AP3B2: variants seen among roughly 807,000 people sequenced by gnomAD.
AP3B2 encodes the protein AP-3 complex subunit beta-2.
Under a neutral mutation model 126.9 loss-of-function variants are expected in AP3B2, and 50 were observed. That is an observed-to-expected ratio of 0.39 (90% confidence interval 0.31 to 0.50). AP3B2 has a LOEUF of 0.50. AP3B2 is among the 20% of genes least tolerant of loss of function. The pLI is 0.79. For missense variants in AP3B2, 1,177 were observed against 1,426.4 expected, an observed-to-expected ratio of 0.83 and a Z score of 2.82; for synonymous variants, 541 against 565.0, an observed-to-expected ratio of 0.96 and a Z score of 0.60.
rs550820984 is a variant in AP3B2 at position 82,709,843 on chromosome 15, T to C, written c.-137A>G. 3.4e-6 allele frequency: 2 copies of C among 584,706 alleles called. No homozygotes were observed. The highest frequency in any genetic ancestry group is 2.0e-5 in the African/African-American group (1 of 50,868). 36.2% of individuals were successfully genotyped at this position (584,706 alleles called of 1,614,324 possible). ...GGCAGGGGTTCAGCAGAGGCTGCAG[T>C]GTGCAGCGGCGGAGGCTGCGCGCGG... On this transcript the variant is annotated 5_prime_UTR_variant, in exon 1 of 27. Transcript: ENST00000535359.
chr15:82,686,040 A>C (rs2048421125), intron 4 of AP3B2: 1 of 152,248 alleles, frequency 6.6e-6, no homozygotes, highest in Non-Finnish European at 1.5e-5. Context: ...CAACCTGGAA[A>C]CATGCTATGC....
In AP3B2 at chr15:82,680,064, G is replaced by A. The variant is rs1289197658; in HGVS notation, c.1110+111C>T. ...CTGCCCCATCCTCTGCACAGCCAGG[G>A]TATTCCTCCATCTTCCCTTTCCCCG... is the stretch of plus-strand genomic sequence containing the variant. On this transcript the variant is annotated intron_variant, in intron 9 of 26. Transcript: ENST00000535359. The surrounding 1 kb of genome is among the most constrained non-coding windows in gnomAD (Gnocchi z 6.1). The A allele has an allele frequency of 6.9e-7, 1 of 1,442,566 alleles. No individual in the cohort carries two copies. The highest frequency in any genetic ancestry group is 9.5e-7 in the Non-Finnish European group (1 of 1,055,596). The allele number at this position is 1,442,566 out of a possible 1,614,324, so 89.4% of individuals were successfully genotyped here.
chr15:82,663,445 TCTGCTCCC>T, intron 21 of AP3B2, 107 bp downstream of exon 21: 1 of 1,247,954 alleles, frequency 8.0e-7, no homozygotes, highest in Non-Finnish European at 1.2e-6. Context: ...ATATGTTCTG[TCTGCTCCC>T]CTGCTCCCAC....
Position 82,677,408 on chromosome 15 carries a change from G to A in AP3B2, c.1379-25C>T, listed in dbSNP as rs138498580. 8.8e-4 allele frequency: 1,412 copies of A among 1,599,522 alleles called. 4 individuals are homozygous for A. Among genetic ancestry groups the A allele is most frequent in the Middle Eastern group, 4.0e-3 (24 of 6,038 alleles). On this transcript the variant is annotated intron_variant, in intron 12 of 26. Transcript: ENST00000535359. ...TCTACAGAACAAAAATGAGTGTGTGGACCCCAAGACAGTCAGATGGCCACA... is the reference window on the plus strand; with the variant it reads ...TCTACAGAACAAAAATGAGTGTGTGAACCCCAAGACAGTCAGATGGCCACA...
At position 82,665,469 on chromosome 15, in the gene AP3B2, C is replaced by G; in HGVS notation, c.1959G>C (p.Val653=). ...DWPEEAPDPS[V]RNVEEEDLSL... is the part of the protein sequence containing the mutation. ...CCACCCCGCTGACCTCCACGTTGCG[C>G]ACAGATGGGTCTGGGGCTTCCTCCG... Residue 653 remains valine (V), a synonymous_variant, in exon 16 of 27, where the codon GTG becomes GTC. Transcript: ENST00000535359. This position sits in a 1 kb window ranked among gnomAD's most constrained non-coding sequence, Gnocchi z 4.4. 1 of 1,613,382 alleles carries G rather than the reference C, an allele frequency of 6.2e-7. No individual in the cohort carries two copies. The highest frequency in any genetic ancestry group is 8.5e-7 in the Non-Finnish European group (1 of 1,179,684).
chr15:82,706,259 C>T (rs2048794179), intron 1 of AP3B2, among the ~76,000 whole-genome samples: 1 of 152,196 alleles, frequency 6.6e-6, no homozygotes, highest in African/African-American at 2.4e-5. Context: ...CACTACCTCT[C>T]AGAAAGCTTA....
At chr15:82,670,582 A>T (rs907860151) in intron 14 of AP3B2, among the ~76,000 whole-genome samples, 2 of 152,246 alleles carry the variant, frequency 1.3e-5, no homozygotes, top group Non-Finnish European at 2.9e-5. Flanking sequence ...TAAATCTAAC[A>T]CTTCAAACTA....
At chr15:82,708,300 C>T (rs558894318) in intron 1 of AP3B2, among the ~76,000 whole-genome samples, 2 of 152,058 alleles carry the variant, frequency 1.3e-5, no homozygotes, top group East Asian at 1.9e-4. Context: ...CATTTCCCTT[C>T]GCTGACTCTT....
chr15:82,707,310 C>T (rs192209317), intron 1 of AP3B2, among the ~76,000 whole-genome samples: 1 of 152,194 alleles, frequency 6.6e-6, no homozygotes, highest in Admixed American at 6.5e-5. Flanking sequence ...TTACCACTTG[C>T]CCTTCTCAGA....
intron 4 of AP3B2, chr15:82,686,950 T>A (rs1386016028): frequency 6.6e-6 from 1 of 152,208 alleles, no homozygotes. Context: ...CTTGAACTCC[T>A]GACCTTGTGA....
rs769129425 is a variant in AP3B2 at position 82,659,725 on chromosome 15, G to T, written c.3156-15C>A. On this transcript the variant is annotated splice_polypyrimidine_tract_variant and intron_variant, in intron 26 of 26. Transcript: ENST00000535359. ...TCCCTGCAAACCTGAGGTGGGAATAGAAGGGGTGAGGAAGAGCTGCTAAGG... is the reference window on the plus strand; with the variant it reads ...TCCCTGCAAACCTGAGGTGGGAATATAAGGGGTGAGGAAGAGCTGCTAAGG... 2 of 1,613,644 alleles carry T rather than the reference G, an allele frequency of 1.2e-6. No homozygotes were observed. The highest frequency in any genetic ancestry group is 1.1e-5 in the South Asian group (1 of 91,046).
At position 82,700,397 on chromosome 15, in the gene AP3B2, CTTT is replaced by C. The variant is rs1226910164; in HGVS notation, c.113+9194_113+9196del. Among the ~76,000 whole-genome samples, 19 of 35,096 alleles carry C rather than the reference CTTT, an allele frequency of 5.4e-4. 4 individuals carry two copies. In the South Asian group the frequency reaches 0.012, roughly 23 times the overall value. The allele number at this position is 35,096 out of a possible 152,430, so 23.0% of individuals were successfully genotyped here. On this transcript the variant is annotated intron_variant, in intron 1 of 26. Coordinates refer to ENST00000535359, the MANE Select transcript of AP3B2 (RefSeq NM_001278512.2). ...CCACTGGCCTGCCAGTGGTGGGTGGCTTTTTTTTTTTTTTTTTTCAGATGGAGT... is the reference window on the plus strand; with the variant it reads ...CCACTGGCCTGCCAGTGGTGGGTGGCTTTTTTTTTTTTTTTCAGATGGAGT...
Position 82,681,413 on chromosome 15 carries a change from G to A in AP3B2, c.521+7C>T. Reference sequence around the variant, plus strand: ...CCTGGGGAGCGTGGGACAGGGCTGGGGCATACCTGTAGAGTTTAGGGATGG... The same window carrying A: ...CCTGGGGAGCGTGGGACAGGGCTGGAGCATACCTGTAGAGTTTAGGGATGG... On this transcript the variant is annotated splice_region_variant and intron_variant, in intron 5 of 26. Transcript: ENST00000535359. The surrounding 1 kb of genome is among the most constrained non-coding windows in gnomAD (Gnocchi z 4.0). The A allele has an allele frequency of 1.2e-6, 2 of 1,613,570 alleles. No homozygotes were observed. The highest frequency in any genetic ancestry group is 3.3e-5 in the Admixed American group (2 of 59,996).
At chr15:82,677,491 C>T in intron 12 of AP3B2, 108 bp from the exon 13 acceptor site, 1 of 1,372,094 alleles carries the variant, frequency 7.3e-7, no homozygotes, top group East Asian at 2.5e-5. Flanking sequence ...CTCTCAACCC[C>T]CTTCAGTTCT....
rs1338804634 is a variant in AP3B2 at position 82,664,381 on chromosome 15, C to G, written c.2247G>C (p.Gly749=). The G allele has an allele frequency of 3.7e-6, 6 of 1,613,858 alleles. No individual in the cohort carries two copies. The Middle Eastern group carries it at 4.9e-4, about 133-fold the overall frequency. The change falls in exon 19 of 27, where the codon GGG becomes GGC. Residue 749 remains glycine (G), a synonymous_variant. Transcript: ENST00000535359. The surrounding 1 kb of genome is among the most constrained non-coding windows in gnomAD (Gnocchi z 4.5). ...NEDQDEDEEK[G]RGSESEQSEE... is the part of the protein sequence containing the mutation. The stretch of plus-strand genomic sequence containing the variant: ...TCCCTTCTCACCTCTCACTGCCTCT[C>G]CCTTTCTCCTCATCCTCATCCTGGT...
At chr15:82,682,241 T>C (rs2048352247) in intron 4 of AP3B2, among the ~76,000 whole-genome samples, 1 of 151,654 alleles carries the variant, frequency 6.6e-6, no homozygotes, top group Non-Finnish European at 1.5e-5. Context: ...TTAGTAGAGA[T>C]TAGGTTTCGC....
chr15:82,691,964 A>G, intron 1 of AP3B2: 2 of 1,427,640 alleles, frequency 1.4e-6, no homozygotes, highest in Non-Finnish European at 2.0e-6. Context: ...GTCCTTCTGC[A>G]CATCGGCATA....
At position 82,662,820 on chromosome 15, in the gene AP3B2, C is replaced by T. The variant is rs760395320; in HGVS notation, c.2707G>A (p.Gly903Arg). Residue 903 changes from glycine (G) to arginine (R), a missense_variant, in exon 23 of 27, where the codon GGG becomes AGG. This residue lies in a region of AP3B2 where 587 missense variants were observed against 571.3 expected (regional missense o/e 1.03). Transcript: ENST00000535359. ...TGCACGGACACCATGTGGGGATCCC[C>T]GGAGAAAGGTTGGCGGCTGAAGGTG... ...DYTFSRQPFS[G>R]DPHMVSVHIH... The T allele has an allele frequency of 1.9e-5, 30 of 1,613,694 alleles. No individual in the cohort carries two copies. Among genetic ancestry groups the T allele is most frequent in the Non-Finnish European group, 2.2e-5 (26 of 1,179,780 alleles).
chr15:82,662,203 G>T lies in AP3B2; in HGVS notation c.2883C>A (p.Phe961Leu). ...ESATAVMGIN[F>L]CDSTQAANFQ... ...AGTTGGCTGCCTGGGTTGAGTCACA[G>T]AAATTAATGCCCATTACAGCAGTGG... Residue 961 changes from phenylalanine (F) to leucine (L), a missense_variant, in exon 24 of 27, where the codon TTC (phenylalanine) becomes TTA (leucine). Phe to Leu is a conservative substitution (Grantham distance 22). Transcript: ENST00000535359. The T allele has an allele frequency of 6.2e-7, 1 of 1,604,352 alleles. No homozygotes were observed. The highest frequency in any genetic ancestry group is 8.5e-7 in the Non-Finnish European group (1 of 1,175,392).
Sources: gnomAD v4.1 joint callset for allele counts (sites outside exome capture counted in the v4.1 genomes callset) on GRCh38, gnomAD v4.1.1 for gene constraint, gnomAD v4.1.1 regional missense constraint, Gnocchi (gnomAD v3.1) non-coding constraint, MANE v1.5 for transcripts, NCBI Gene and HGNC (gene_info 2026-07-23, HGNC 2026-07-21) for gene names.